The following MOK variants were observed in gnomAD, a reference collection of about 807,000 sequenced individuals.
The protein encoded by MOK is MAPK/MAK/MRK overlapping kinase.
A neutral mutation model predicts 54.2 loss-of-function variants in MOK; 59 were observed. That is an observed-to-expected ratio of 1.09 (90% CI 0.88 to 1.35). MOK has a LOEUF of 1.35. Ranked by LOEUF, MOK falls within the 40% of genes most tolerant of loss-of-function variation. The pLI is 0.00. For missense variants in MOK, 517 were observed against 526.2 expected, an observed-to-expected ratio of 0.98 and a Z score of 0.17; for synonymous variants, 210 against 202.7, an observed-to-expected ratio of 1.04 and a Z score of -0.31.
intron 1 of MOK, among the ~76,000 whole-genome samples, chr14:102,294,033 C>T (rs1178946846): frequency 6.6e-6 from 1 of 151,956 alleles, no homozygotes; most frequent in South Asian, 2.1e-4. Flanking sequence ...GGTGTGGTGG[C>T]TCATGCCTGT....
At chr14:102,248,736 C>T (rs978090609) in intron 7 of MOK, among the ~76,000 whole-genome samples, 4 of 149,034 alleles carry the variant, frequency 2.7e-5, no homozygotes, top group Non-Finnish European at 3.0e-5. Context: ...CCAGATCGCG[C>T]CACTGCACTC....
chr14:102,251,996 C>T lies in MOK; in HGVS notation c.284-1G>A. ...TTTTCTGATAATGGGTATCTTCTCC[C>T]TGTACAATCAAGGAAATAGGCAAAT... On this transcript the variant is annotated splice_acceptor_variant, in intron 4 of 11. Transcript: ENST00000361847. LOFTEE classifies it high-confidence loss of function. 1.3e-6 allele frequency: 2 copies of T among 1,558,858 alleles called. No homozygotes were observed. The highest frequency in any genetic ancestry group is 1.8e-6 in the Non-Finnish European group (2 of 1,133,490).
intron 2 of MOK, among the ~76,000 whole-genome samples, chr14:102,277,645 T>G (rs1309835122): frequency 6.6e-6 from 1 of 150,828 alleles, no homozygotes; most frequent in African/African-American, 2.4e-5. Context: ...GATAAACTAC[T>G]GAACAACAGT....
chr14:102,238,178 T>C lies in MOK; in HGVS notation c.591-4389A>G, dbSNP rs1448847546. On this transcript the variant is annotated intron_variant, in intron 7 of 11. Transcript: ENST00000361847. The surrounding 1 kb of genome is among the most constrained non-coding windows in gnomAD (Gnocchi z 4.8). ...TCTGGGCCCACTGGCTCCCCCAAAA[T>C]TGCTGGGTATGCAGTTGTTTCCCTT... is the stretch of plus-strand genomic sequence containing the variant. 1 of 152,140 alleles carries C rather than the reference T, an allele frequency of 6.6e-6. No homozygotes were observed. The highest frequency in any genetic ancestry group is 1.5e-5 in the Non-Finnish European group (1 of 68,046). The allele number at this position is 152,140 out of a possible 1,614,324, so 9.4% of individuals were successfully genotyped here.
chr14:102,272,159 C>A (rs1239957339), intron 2 of MOK, among the ~76,000 whole-genome samples: 4 of 152,148 alleles, frequency 2.6e-5, no homozygotes, highest in African/African-American at 9.7e-5. Context: ...GTATGAGACG[C>A]CACGCCTAAC....
rs1383495458 is a variant in MOK at position 102,230,049 on chromosome 14, G to GT, written c.982-393dup. 11 of 207,854 alleles carry GT rather than the reference G, an allele frequency of 5.3e-5. No homozygotes were observed. The South Asian group carries it at 5.5e-4, about 10-fold the overall frequency. The allele number at this position is 207,854 out of a possible 1,614,324, so 12.9% of individuals were successfully genotyped here. A position where few individuals can be genotyped will look rare whatever the true frequency, so the allele number is the denominator to read the frequency against. On this transcript the variant is annotated intron_variant, in intron 10 of 11. Transcript: ENST00000361847. The surrounding 1 kb of genome is among the most constrained non-coding windows in gnomAD (Gnocchi z 4.1). ...TACATTTGGGGTTTTTTGTTTGTTT[G>GT]TTTGTTTTGAGACACGGTGTTTGTT...
Position 102,229,097 on chromosome 14 carries a change from C to T in MOK, c.*192G>A. On this transcript the variant is annotated 3_prime_UTR_variant, in exon 12 of 12. Coordinates refer to ENST00000361847, the MANE Select transcript of MOK (RefSeq NM_014226.3). ...TGCGGTGGTTTTACAAGTATATTAG[C>T]CCAGAACATCCTAGGCAGCTGCGCG... is the stretch of plus-strand genomic sequence containing the variant. The T allele has an allele frequency of 7.0e-6, 4 of 573,440 alleles. No homozygotes were observed. The highest frequency in any genetic ancestry group is 4.6e-4 in the Middle Eastern group (1 of 2,170). 35.5% of individuals were successfully genotyped at this position (573,440 alleles called of 1,614,324 possible).
chr14:102,272,226 C>T (rs368418705), intron 2 of MOK, among the ~76,000 whole-genome samples: 13 of 152,214 alleles, frequency 8.5e-5, no homozygotes, highest in East Asian at 3.8e-4. Flanking sequence ...TGGTAGCTCA[C>T]GCCTGTAATC....
intron 2 of MOK, among the ~76,000 whole-genome samples, chr14:102,273,137 T>A (rs961327703): frequency 1.5e-4 from 23 of 151,696 alleles, no homozygotes; most frequent in Non-Finnish European, 2.4e-4. Flanking sequence ...GCCACTGCAC[T>A]CCAGCATGGG....
At chr14:102,256,264 T>A (rs1190964409) in intron 4 of MOK, among the ~76,000 whole-genome samples, 3 of 148,042 alleles carry the variant, frequency 2.0e-5, no homozygotes, top group Non-Finnish European at 3.0e-5. Flanking sequence ...ACCCGGATGC[T>A]TTTTTTTTTA....
At chr14:102,299,560 C>T (rs1056482764) in intron 1 of MOK, among the ~76,000 whole-genome samples, 5 of 151,996 alleles carry the variant, frequency 3.3e-5, no homozygotes, top group Non-Finnish European at 7.4e-5. Flanking sequence ...AAACTGTTAC[C>T]GTCTTCAGAG....
intron 2 of MOK, among the ~76,000 whole-genome samples, chr14:102,271,438 T>C (rs1240071848): frequency 6.6e-6 from 1 of 152,136 alleles, no homozygotes; most frequent in Non-Finnish European, 1.5e-5. Flanking sequence ...ATTTCACTGG[T>C]GAATTATTTC....
chr14:102,286,568 A>G (rs916381877), intron 1 of MOK, among the ~76,000 whole-genome samples: 2 of 151,850 alleles, frequency 1.3e-5, no homozygotes, highest in South Asian at 2.1e-4. Flanking sequence ...TAGGGATCGC[A>G]CTACTATACG....
chr14:102,302,129 G>A (rs2072282838), intron 1 of MOK, among the ~76,000 whole-genome samples: 1 of 147,108 alleles, frequency 6.8e-6, no homozygotes, highest in Admixed American at 7.0e-5. Context: ...CTGGAGTGCA[G>A]TAGTGCGATC....
the MOK span, among the ~76,000 whole-genome samples, chr14:102,217,664 T>C: frequency 6.6e-6 from 1 of 152,244 alleles, no homozygotes; most frequent in African/African-American, 2.4e-5. Context: ...ATGTAGAGAC[T>C]GGCTTCGGGT....
At chr14:102,248,213 G>A (rs1461422986) in intron 7 of MOK, among the ~76,000 whole-genome samples, 1 of 152,072 alleles carries the variant, frequency 6.6e-6, no homozygotes, top group Non-Finnish European at 1.5e-5. Context: ...TCCCCCTAAT[G>A]CTCTGCAACC....
chr14:102,270,493 C>T (rs188155208), intron 2 of MOK, among the ~76,000 whole-genome samples: 1 of 151,934 alleles, frequency 6.6e-6, no homozygotes, highest in African/African-American at 2.4e-5. Context: ...TCCAGCTCCT[C>T]AGGAGGCTAA....
intron 1 of MOK, among the ~76,000 whole-genome samples, chr14:102,303,246 ACAT>A (rs71468400): frequency 0.12 from 18,604 of 152,082 alleles, 1,506 homozygotes; most frequent in African/African-American, 0.23. Flanking sequence ...CAACGAACTG[ACAT>A]CAGGCACTCT....
intron 2 of MOK, among the ~76,000 whole-genome samples, chr14:102,274,198 C>A (rs1281639362): frequency 6.6e-6 from 1 of 151,126 alleles, no homozygotes; most frequent in Non-Finnish European, 1.5e-5. Context: ...ACCTCATGAT[C>A]TGCCCGCCTC....
Sources: allele counts gnomAD v4.1 joint callset (sites outside exome capture counted in the v4.1 genomes callset), GRCh38; gene constraint gnomAD v4.1.1; non-coding constraint Gnocchi (gnomAD v3.1); transcripts MANE v1.5; gene names NCBI Gene and HGNC (gene_info 2026-07-23, HGNC 2026-07-21).